SLIT3: variants seen among roughly 807,000 people sequenced by gnomAD.
SLIT3 encodes slit homolog 3 protein.
In SLIT3, 68 loss-of-function variants were observed where a neutral mutation model predicts 184.0. That is an observed-to-expected ratio of 0.37 (90% CI 0.30 to 0.45). The LOEUF (loss-of-function observed/expected upper bound fraction) is 0.45. Ranked by LOEUF, SLIT3 falls within the 20% of genes least tolerant of loss-of-function variation. SLIT3 has a pLI of 1.00. For missense variants in SLIT3, 1,707 were observed against 2,026.0 expected, an observed-to-expected ratio of 0.84 and a Z score of 3.02; for synonymous variants, 831 against 828.6, an observed-to-expected ratio of 1.00 and a Z score of -0.05.
intron 4 of SLIT3, among the ~76,000 whole-genome samples, chr5:168,918,339 TA>T (rs1428087382): frequency 1.3e-5 from 2 of 152,204 alleles, no homozygotes; most frequent in Non-Finnish European, 2.9e-5. Flanking sequence ...GCATTCATCT[TA>T]CATATATATG....
chr5:168,938,546 A>G (rs1014978134), intron 4 of SLIT3, among the ~76,000 whole-genome samples: 19 of 152,322 alleles, frequency 1.2e-4, no homozygotes, highest in East Asian at 9.6e-4. Context: ...GTGATTTTTA[A>G]GAGTATAAAT....
At chr5:168,675,540 C>A (rs147295347) in intron 32 of SLIT3, among the ~76,000 whole-genome samples, 2 of 152,216 alleles carry the variant, frequency 1.3e-5, no homozygotes, top group Non-Finnish European at 2.9e-5. Flanking sequence ...TTGTGATGTT[C>A]AAATAAAATA....
At chr5:169,278,819 A>G (rs1003873486) in intron 1 of SLIT3, among the ~76,000 whole-genome samples, 21 of 152,120 alleles carry the variant, frequency 1.4e-4, no homozygotes, top group African/African-American at 4.8e-4. Flanking sequence ...CAGGGCCATC[A>G]CCACCAGCCT....
At chr5:169,137,285 C>G (rs1761541590) in intron 4 of SLIT3, among the ~76,000 whole-genome samples, 2 of 150,604 alleles carry the variant, frequency 1.3e-5, no homozygotes, top group Non-Finnish European at 2.9e-5. Context: ...TAATCTCCCC[C>G]TCTTCTCTTT....
intron 4 of SLIT3, among the ~76,000 whole-genome samples, chr5:169,064,919 G>A (rs562215621): frequency 6.6e-6 from 1 of 152,184 alleles, no homozygotes; most frequent in Non-Finnish European, 1.5e-5. Context: ...TTCCCTGGCA[G>A]TTTCGAAACT....
intron 4 of SLIT3, among the ~76,000 whole-genome samples, chr5:169,093,844 C>T (rs1017386501): frequency 6.6e-6 from 1 of 151,904 alleles, no homozygotes; most frequent in South Asian, 2.1e-4. Context: ...ATAAGCATGG[C>T]CTTGAAGAGG....
chr5:169,182,304 G>A (rs6869143), intron 4 of SLIT3, among the ~76,000 whole-genome samples: 16,872 of 152,192 alleles, frequency 0.11, 1,898 homozygotes, highest in African/African-American at 0.27. Flanking sequence ...TGACTTAAAC[G>A]TCTCCATTTC....
At chr5:168,792,191 T>C (rs1306412494) in intron 10 of SLIT3, 1 of 152,208 alleles carries the variant, frequency 6.6e-6, no homozygotes, top group Non-Finnish European at 1.5e-5. Context: ...GGAAGGCAGA[T>C]GGGAGATGGC....
At chr5:168,943,706 C>T (rs959493421) in intron 4 of SLIT3, among the ~76,000 whole-genome samples, 1 of 152,230 alleles carries the variant, frequency 6.6e-6, no homozygotes, top group Admixed American at 6.5e-5. Context: ...CACACTCTCT[C>T]TATATGTGCA....
intron 1 of SLIT3, among the ~76,000 whole-genome samples, chr5:169,273,725 C>T (rs1166464266): frequency 6.6e-6 from 1 of 152,048 alleles, no homozygotes; most frequent in African/African-American, 2.4e-5. Flanking sequence ...TTGAATTGGG[C>T]TTAAGATAAG....
intron 23 of SLIT3, among the ~76,000 whole-genome samples, chr5:168,715,167 G>A (rs1352488807): frequency 6.6e-6 from 1 of 152,160 alleles, no homozygotes; most frequent in African/African-American, 2.4e-5. Context: ...GTCTGATACT[G>A]GCTGTGTGAG....
chr5:168,713,681 G>C (rs1202459564), intron 23 of SLIT3, among the ~76,000 whole-genome samples: 1 of 152,204 alleles, frequency 6.6e-6, no homozygotes, highest in East Asian at 1.9e-4. Context: ...TTCAACTGAA[G>C]TTAGCTTGCC....
At chr5:168,711,688 T>TA (rs983105462) in intron 24 of SLIT3, among the ~76,000 whole-genome samples, 4 of 152,070 alleles carry the variant, frequency 2.6e-5, no homozygotes, top group African/African-American at 9.7e-5. Flanking sequence ...CAGAGGTGTA[T>TA]AAAAAAATGT....
chr5:168,846,384 C>G (rs1400422349), intron 5 of SLIT3, among the ~76,000 whole-genome samples: 1 of 152,140 alleles, frequency 6.6e-6, no homozygotes, highest in Non-Finnish European at 1.5e-5. Flanking sequence ...AGCCTTTATT[C>G]ACACGGGTTT....
rs142884786 is a variant in SLIT3 at position 168,788,771 on chromosome 5, C to G, written c.1079+789G>C. On this transcript the variant is annotated intron_variant, in intron 11 of 35. Coordinates refer to ENST00000519560, the MANE Select transcript of SLIT3 (RefSeq NM_003062.4). Reference sequence around the variant, plus strand: ...ATTTTAGGTTGTGGTGAGGACTAAACTTGACAGACTCCTAGAACAGTACCT... The same window carrying G: ...ATTTTAGGTTGTGGTGAGGACTAAAGTTGACAGACTCCTAGAACAGTACCT... Among the ~76,000 whole-genome samples the G allele has an allele frequency of 8.0e-4, 122 of 152,060 alleles. 3 individuals carry two copies. In the East Asian group the frequency reaches 0.021, roughly 26 times the overall value.
intron 4 of SLIT3, among the ~76,000 whole-genome samples, chr5:168,973,764 C>G (rs1754661603): frequency 6.6e-6 from 1 of 152,164 alleles, no homozygotes; most frequent in Admixed American, 6.5e-5. Context: ...CCCTGAGCAA[C>G]CACTAATCAG....
At chr5:169,095,804 C>A (rs1247699693) in intron 4 of SLIT3, among the ~76,000 whole-genome samples, 1 of 152,206 alleles carries the variant, frequency 6.6e-6, no homozygotes, top group East Asian at 1.9e-4. Flanking sequence ...CTCGTTCCTG[C>A]CCCACCACAG....
At chr5:168,685,557 T>A in intron 31 of SLIT3, 130 bp downstream of exon 31, 1 of 1,231,892 alleles carries the variant, frequency 8.1e-7, no homozygotes, top group Non-Finnish European at 1.1e-6. Context: ...TTGGTCCAGA[T>A]GTCCTCAAGC....
intron 1 of SLIT3, among the ~76,000 whole-genome samples, chr5:169,279,430 G>A (rs371476837): frequency 1.3e-5 from 2 of 152,270 alleles, no homozygotes; most frequent in East Asian, 1.9e-4. Flanking sequence ...GGAAACCTGA[G>A]GTTCTGAGTT....
Sources: allele counts gnomAD v4.1 joint callset (sites outside exome capture counted in the v4.1 genomes callset), GRCh38; gene constraint gnomAD v4.1.1; transcripts MANE v1.5; gene names NCBI Gene and HGNC (gene_info 2026-07-23, HGNC 2026-07-21).